Variants in DACH2 observed in about 807,000 individuals in gnomAD.
DACH2 encodes the protein dachshund homolog 2.
In DACH2, 17 loss-of-function variants were observed where a neutral mutation model predicts 35.8. That is an observed-to-expected ratio of 0.48 (90% CI 0.33 to 0.71). The LOEUF (loss-of-function observed/expected upper bound fraction) is 0.71, where lower values mean the gene tolerates loss of function less well. Ranked by LOEUF, DACH2 falls within the 30% of genes least tolerant of loss-of-function variation. The probability of loss-of-function intolerance (pLI) is 0.02; values close to 1 mark genes in which losing one functional copy is unlikely to be tolerated. For missense variants in DACH2, 469 were observed against 472.7 expected (o/e 0.99, Z 0.07); for synonymous variants, 195 against 177.3 (o/e 1.10, Z -0.79).
intron 4 of DACH2, among the ~76,000 whole-genome samples, chrX:86,666,738 G>A (rs916811579): frequency 1.8e-5 from 2 of 111,669 alleles, no homozygotes; most frequent in Non-Finnish European, 3.8e-5. Context: ...TCTAATTGCA[G>A]AAGGGAAAAA....
chrX:86,714,646 A>C lies in DACH2; in HGVS notation c.1030A>C (p.Asn344His). Residue 344 changes from asparagine (N) to histidine (H), a missense_variant, in exon 6 of 12, where the codon AAT becomes CAT. By Grantham distance (68) the Asn-to-His change is moderately conservative (BLOSUM62 1). Around this residue, in one of 3 missense-constraint regions of DACH2, gnomAD observed 363 missense variants for 334.4 expected, o/e 1.09. Transcript: ENST00000373125. ...AMAMNQMNHL[N>H]TIANMAAAAQ... is the part of the protein sequence containing the mutation. ...GGCAATGAATCAGATGAACCATCTCAATACTATTGCCAACATGGCTGCTGC... is the reference window on the plus strand; with the variant it reads ...GGCAATGAATCAGATGAACCATCTCCATACTATTGCCAACATGGCTGCTGC... 8.3e-7 allele frequency: 1 copy of C among 1,207,094 alleles called. No homozygotes were observed. Among genetic ancestry groups the C allele is most frequent in the Non-Finnish European group, 1.1e-6 (1 of 893,014 alleles).
chrX:86,790,941 C>T (rs151275576), intron 7 of DACH2, among the ~76,000 whole-genome samples: 1 of 111,209 alleles, frequency 9.0e-6, no homozygotes, highest in South Asian at 3.8e-4. Flanking sequence ...TAACATATAT[C>T]GTATGTTACA....
intron 2 of DACH2, among the ~76,000 whole-genome samples, chrX:86,447,153 T>C (rs1335405269): frequency 1.0e-5 from 1 of 100,455 alleles, no homozygotes; most frequent in Non-Finnish European, 2.0e-5. Context: ...TTTGTTTTTT[T>C]CTTGTAAATT....
At chrX:86,482,839 A>G (rs942825771) in intron 2 of DACH2, among the ~76,000 whole-genome samples, 1 of 110,012 alleles carries the variant, frequency 9.1e-6, no homozygotes, top group Non-Finnish European at 1.9e-5. Context: ...TGTCCTTTGT[A>G]GGGACATGGA....
intron 1 of DACH2, among the ~76,000 whole-genome samples, chrX:86,247,994 C>G (rs192939415): frequency 5.4e-5 from 6 of 110,707 alleles, no homozygotes; most frequent in Non-Finnish European, 1.1e-4. Flanking sequence ...TTCAATATCC[C>G]TTCATGATAA....
At chrX:86,773,902 G>T (rs1378240255) in intron 7 of DACH2, among the ~76,000 whole-genome samples, 1 of 111,299 alleles carries the variant, frequency 9.0e-6, no homozygotes, top group African/African-American at 3.3e-5. Flanking sequence ...TCTAAATTAG[G>T]CATTTACAAA....
chrX:86,481,821 G>C (rs2037940942), intron 2 of DACH2: 1 of 111,863 alleles, frequency 8.9e-6, no homozygotes, highest in African/African-American at 3.2e-5. Context: ...AGCCCTTTGG[G>C]TCTAATTCTT....
chrX:86,389,134 C>A (rs897593231), intron 2 of DACH2, among the ~76,000 whole-genome samples: 8 of 111,970 alleles, frequency 7.1e-5, no homozygotes, highest in African/African-American at 2.6e-4. Context: ...TCAACTGGTA[C>A]TTTCATTTAA....
intron 4 of DACH2, among the ~76,000 whole-genome samples, chrX:86,667,617 G>GAAAGA (rs2040715484): frequency 9.9e-6 from 1 of 101,121 alleles, no homozygotes; most frequent in Non-Finnish European, 2.0e-5. Flanking sequence ...AGAAAGAAAG[G>GAAAGA]CAGGCAGGCC....
At chrX:86,793,137 T>G (rs1004769851) in intron 7 of DACH2, among the ~76,000 whole-genome samples, 1 of 111,311 alleles carries the variant, frequency 9.0e-6, no homozygotes, top group African/African-American at 3.3e-5. Context: ...CTTTTTTATC[T>G]ACCCGTTGGC....
chrX:86,427,593 G>A (rs1306446559), intron 2 of DACH2, among the ~76,000 whole-genome samples: 3 of 111,061 alleles, frequency 2.7e-5, no homozygotes, highest in African/African-American at 6.5e-5. Context: ...CTAAACTTTA[G>A]GTATTCTTTG....
At chrX:86,545,890 A>G (rs2038949119) in intron 3 of DACH2, among the ~76,000 whole-genome samples, 1 of 111,961 alleles carries the variant, frequency 8.9e-6, no homozygotes, top group Admixed American at 9.5e-5. Flanking sequence ...TGATAATCAT[A>G]AGTCTTGGCA....
chrX:86,620,813 G>A (rs887862493), intron 3 of DACH2, among the ~76,000 whole-genome samples: 21 of 109,166 alleles, frequency 1.9e-4, no homozygotes, highest in African/African-American at 6.7e-4. Flanking sequence ...AAAAAAAGGA[G>A]AGAAAGAGGA....
chrX:86,278,271 A>G, intron 1 of DACH2, among the ~76,000 whole-genome samples: 1 of 112,157 alleles, frequency 8.9e-6, no homozygotes, highest in Non-Finnish European at 1.9e-5. Context: ...ACTCCCGAGT[A>G]CACATCGCAT....
At position 86,323,617 on chromosome X, in the gene DACH2, C is replaced by T. The variant is rs140334796; in HGVS notation, c.489-53207C>T. Among the ~76,000 whole-genome samples, 440 of 112,010 alleles carry T rather than the reference C, an allele frequency of 3.9e-3. 1 individual carries two copies. Among genetic ancestry groups the T allele is most frequent in the Middle Eastern group, 0.023 (5 of 214 alleles). On this transcript the variant is annotated intron_variant, in intron 1 of 11. Transcript: ENST00000373125. The stretch of plus-strand genomic sequence containing the variant: ...AGCTTGGAGATCCTATGTCTGACAA[C>T]CAGTCGGGCATAGGGGGCTGGTTGG...
intron 3 of DACH2, among the ~76,000 whole-genome samples, chrX:86,624,048 A>G (rs1438986311): frequency 2.6e-5 from 2 of 78,163 alleles, no homozygotes. Context: ...ACTCCGTCTC[A>G]AAAAAACAAA....
At chrX:86,208,909 TTAGG>T (rs1394013213) in intron 1 of DACH2, among the ~76,000 whole-genome samples, 1 of 111,547 alleles carries the variant, frequency 9.0e-6, no homozygotes, top group African/African-American at 3.3e-5. Context: ...TACTATTGCT[TTAGG>T]TACAGTGCAG....
chrX:86,180,219 T>A (rs931650580), intron 1 of DACH2, among the ~76,000 whole-genome samples: 3 of 90,676 alleles, frequency 3.3e-5, no homozygotes, highest in African/African-American at 1.2e-4. Context: ...GTTCTTATAG[T>A]AATGTGAAAT....
chrX:86,373,836 A>G (rs1182035217), intron 1 of DACH2, among the ~76,000 whole-genome samples: 3 of 111,833 alleles, frequency 2.7e-5, no homozygotes, highest in Non-Finnish European at 5.7e-5. Flanking sequence ...AATCCATTGC[A>G]GTAGATAATT....
Sources: allele counts gnomAD v4.1 joint callset (sites outside exome capture counted in the v4.1 genomes callset), GRCh38; gene constraint gnomAD v4.1.1; regional missense constraint gnomAD v4.1.1; transcripts MANE v1.5; gene names NCBI Gene and HGNC (gene_info 2026-07-23, HGNC 2026-07-21).